The following TBL1X variants were observed in gnomAD, a reference collection of about 807,000 sequenced individuals.
TBL1X encodes transducin beta like 1 X-linked.
A neutral mutation model predicts 50.7 loss-of-function variants in TBL1X; 10 were observed. The ratio of observed to expected loss-of-function variants is 0.20; its 90% CI spans 0.12 to 0.33. The LOEUF is 0.33. Ranked by LOEUF, TBL1X falls within the 10% of genes least tolerant of loss-of-function variation. TBL1X has a pLI of 1.00. For synonymous variants in TBL1X, 190 were observed against 214.7 expected (o/e 0.88, Z 1.01); for missense variants, 340 against 504.4 (o/e 0.67, Z 3.12).
chrX:9,688,092 A>T lies in TBL1X; in HGVS notation c.433A>T (p.Thr145Ser). ...IDAVMPDVVQ[T>S]RQQAFREKLA... The stretch of plus-strand genomic sequence containing the variant: ...CGCCGTGATGCCCGACGTGGTGCAG[A>T]CGCGGCAGCAGGCATTCCGAGAGAA... Residue 145 changes from threonine (T) to serine (S), a missense_variant, in exon 7 of 18, where the codon ACG (threonine) becomes TCG (serine). Thr to Ser is a moderately conservative substitution (Grantham distance 58). Transcript: ENST00000645353. 8.3e-7 allele frequency: 1 copy of T among 1,211,408 alleles called. No individual in the cohort carries two copies. The highest frequency in any genetic ancestry group is 2.3e-4 in the Middle Eastern group (1 of 4,353).
chrX:9,643,333 C>G (rs1448464086), intron 3 of TBL1X, among the ~76,000 whole-genome samples: 1 of 111,271 alleles, frequency 9.0e-6, no homozygotes, highest in African/African-American at 3.3e-5. Context: ...ATTGAGGAGT[C>G]CTGCTCACCG....
At chrX:9,676,615 G>A (rs2082995957) in intron 5 of TBL1X, among the ~76,000 whole-genome samples, 2 of 111,915 alleles carry the variant, frequency 1.8e-5, no homozygotes, top group Admixed American at 9.5e-5. Context: ...TTCATTTTAC[G>A]CTAAATTCCA....
At chrX:9,590,436 A>G (rs1214195122) in intron 2 of TBL1X, among the ~76,000 whole-genome samples, 1 of 111,825 alleles carries the variant, frequency 8.9e-6, no homozygotes, top group Admixed American at 9.5e-5. Flanking sequence ...AAAAGGAGCC[A>G]TTTATATGAT....
At chrX:9,497,760 C>A (rs1452492823) in intron 1 of TBL1X, among the ~76,000 whole-genome samples, 34 of 79,407 alleles carry the variant, frequency 4.3e-4, no homozygotes, top group Admixed American at 2.2e-3. Flanking sequence ...CTCCCTCCCT[C>A]CCTCCCTCCC....
In TBL1X at chrX:9,619,211, C is replaced by T. The variant is rs767143128; in HGVS notation, c.-130-21062C>T. ...GAAAGGACAGTGAGACACCACCCCC[C>T]GCAAGTCTGGCCTGAACATTGGTGG... On this transcript the variant is annotated intron_variant, in intron 2 of 17. Transcript: ENST00000645353. Among the ~76,000 whole-genome samples, 145 of 112,455 alleles carry T rather than the reference C, an allele frequency of 1.3e-3. 1 individual carries two copies. Among genetic ancestry groups the T allele is most frequent in the African/African-American group, 4.4e-3 (136 of 30,960 alleles).
intron 5 of TBL1X, among the ~76,000 whole-genome samples, chrX:9,679,090 A>G (rs1452799280): frequency 9.3e-5 from 10 of 107,477 alleles, no homozygotes; most frequent in Non-Finnish European, 1.5e-4. Flanking sequence ...ACTGTGTGTT[A>G]TGTTATCTAA....
chrX:9,597,662 A>G (rs1472753797), intron 2 of TBL1X, among the ~76,000 whole-genome samples: 1 of 112,097 alleles, frequency 8.9e-6, no homozygotes, highest in African/African-American at 3.2e-5. Flanking sequence ...TTTATGGGAA[A>G]TATTTATACC....
At chrX:9,498,275 G>C (rs1809860484) in intron 1 of TBL1X, among the ~76,000 whole-genome samples, 1 of 111,378 alleles carries the variant, frequency 9.0e-6, no homozygotes, top group Non-Finnish European at 1.9e-5. Context: ...CATTTTATAA[G>C]TCAGAGAAGG....
intron 2 of TBL1X, among the ~76,000 whole-genome samples, chrX:9,514,875 T>C (rs1287292838): frequency 1.8e-5 from 2 of 112,053 alleles, no homozygotes; most frequent in Non-Finnish European, 3.8e-5. Context: ...GAGTTTATAA[T>C]GAGATGGAGG....
intron 5 of TBL1X, among the ~76,000 whole-genome samples, chrX:9,679,176 G>A (rs2083011255): frequency 9.2e-6 from 1 of 108,768 alleles, no homozygotes; most frequent in Non-Finnish European, 1.9e-5. Context: ...GAAATGTAAG[G>A]AGAGTAGAGC....
At chrX:9,509,526 C>G (rs2082044571) in intron 2 of TBL1X, among the ~76,000 whole-genome samples, 1 of 85,622 alleles carries the variant, frequency 1.2e-5, no homozygotes, top group African/African-American at 4.3e-5. Context: ...ACTCTGTCAC[C>G]CAGGCTGGAG....
upstream of TBL1X, among the ~76,000 whole-genome samples, chrX:9,464,604 T>TC (rs1195857713): frequency 9.0e-6 from 1 of 110,641 alleles, no homozygotes; most frequent in Non-Finnish European, 1.9e-5. Context: ...TGATCGAGGT[T>TC]CCCCTGCCCC....
chrX:9,643,017 TG>T (rs1356867301), intron 3 of TBL1X, among the ~76,000 whole-genome samples: 1 of 112,218 alleles, frequency 8.9e-6, no homozygotes, highest in Non-Finnish European at 1.9e-5. Context: ...GACTCTAAAT[TG>T]TGATTACGTA....
At chrX:9,667,863 C>T (rs2146613304) in intron 5 of TBL1X, among the ~76,000 whole-genome samples, 1 of 111,230 alleles carries the variant, frequency 9.0e-6, no homozygotes, top group Non-Finnish European at 1.9e-5. Context: ...GGTATGGTGA[C>T]CTGGGATTCT....
chrX:9,556,814 G>GTT lies in TBL1X; in HGVS notation c.-131+54974_-131+54975dup, dbSNP rs375510244. On this transcript the variant is annotated intron_variant, in intron 2 of 17. Coordinates refer to ENST00000645353, the MANE Select transcript of TBL1X (RefSeq NM_005647.4). The stretch of plus-strand genomic sequence containing the variant: ...TTTTGTGTTTTTTGTTTTTGTTTTT[G>GTT]TTTTTTTTTTGCTTTCTCAGTTTCT... Among the ~76,000 whole-genome samples the GTT allele has an allele frequency of 1.0e-3, 106 of 103,747 alleles. 1 individual carries two copies. Among genetic ancestry groups the GTT allele is most frequent in the Middle Eastern group, 4.9e-3 (1 of 206 alleles). The allele number at this position is 103,747 out of a possible 115,157, so 90.1% of individuals were successfully genotyped here.
intron 2 of TBL1X, among the ~76,000 whole-genome samples, chrX:9,503,206 A>G (rs1359945451): frequency 9.0e-6 from 1 of 111,382 alleles, no homozygotes; most frequent in Non-Finnish European, 1.9e-5. Context: ...TGAGAGTCAC[A>G]TGGGAAAGGG....
intron 2 of TBL1X, among the ~76,000 whole-genome samples, chrX:9,631,296 T>C (rs1249202310): frequency 9.0e-6 from 1 of 111,574 alleles, no homozygotes; most frequent in Non-Finnish European, 1.9e-5. Context: ...TTCCTCGCAC[T>C]CTTCACCCGG....
At chrX:9,589,740 G>A (rs191999285) in intron 2 of TBL1X, among the ~76,000 whole-genome samples, 1 of 111,203 alleles carries the variant, frequency 9.0e-6, no homozygotes, top group African/African-American at 3.3e-5. Context: ...ACTGAGAGAC[G>A]TATGTTCATT....
chrX:9,604,808 T>C (rs1442311816), intron 2 of TBL1X, among the ~76,000 whole-genome samples: 3 of 110,914 alleles, frequency 2.7e-5, no homozygotes, highest in Non-Finnish European at 5.7e-5. Flanking sequence ...AGCCCGGCCC[T>C]GTTCTGGCCA....
Sources: gnomAD v4.1 joint callset for allele counts (sites outside exome capture counted in the v4.1 genomes callset) on GRCh38, gnomAD v4.1.1 for gene constraint, MANE v1.5 for transcripts, NCBI Gene and HGNC (gene_info 2026-07-23, HGNC 2026-07-21) for gene names.